The following PFKFB3 variants were observed in gnomAD, a reference collection of about 807,000 sequenced individuals.
PFKFB3 encodes 6-phosphofructo-2-kinase/fructose-2,6-biphosphatase 3.
In PFKFB3, 33 loss-of-function variants were observed where a neutral mutation model predicts 68.0. The ratio of observed to expected loss-of-function variants is 0.49; its 90% confidence interval spans 0.37 to 0.65. PFKFB3 has a LOEUF of 0.65. PFKFB3 is among the 30% of genes least tolerant of loss of function. The probability of loss-of-function intolerance (pLI) is 0.00; values close to 1 mark genes in which losing one functional copy is unlikely to be tolerated. For missense variants in PFKFB3, 586 were observed against 712.2 expected, an observed-to-expected ratio of 0.82 and a Z score of 2.02; for synonymous variants, 315 against 288.2, an observed-to-expected ratio of 1.09 and a Z score of -0.94.
At chr10:6,177,436 TTCTC>T (rs372374322) in intron 1 of PFKFB3, among the ~76,000 whole-genome samples, 25 of 56,448 alleles carry the variant, frequency 4.4e-4, no homozygotes, top group African/African-American at 1.2e-3. Context: ...TTTCTTTTCT[TTCTC>T]TTTCTTTCTT....
chr10:6,296,990 G>A, the PFKFB3 span, among the ~76,000 whole-genome samples: 2 of 152,162 alleles, frequency 1.3e-5, no homozygotes. Flanking sequence ...AGGAACCCAA[G>A]GTAAAGGGAT....
At chr10:6,250,644 T>C (rs2185691) in intron 14 of PFKFB3, among the ~76,000 whole-genome samples, 16,427 of 151,694 alleles carry the variant, frequency 0.11, 1,169 homozygotes, top group South Asian at 0.2. Flanking sequence ...GTGAATGGGA[T>C]TAGGTACCCT....
chr10:6,291,127 G>C, the PFKFB3 span, among the ~76,000 whole-genome samples: 1,088 of 152,188 alleles, frequency 7.1e-3, 9 homozygotes, highest in African/African-American at 0.025. Context: ...AGTTTGCAAG[G>C]AGGAATCAGG....
At chr10:6,219,719 G>T in intron 7 of PFKFB3, 26 bp downstream of exon 7, 1 of 1,610,406 alleles carries the variant, frequency 6.2e-7, no homozygotes, top group Non-Finnish European at 8.5e-7. Context: ...GGCCGTCTCT[G>T]CAAGACCCAC....
At chr10:6,230,089 A>G (rs1047233126) in intron 14 of PFKFB3, among the ~76,000 whole-genome samples, 8 of 152,204 alleles carry the variant, frequency 5.3e-5, no homozygotes, top group Non-Finnish European at 1.0e-4. Flanking sequence ...ATTCGGGGAT[A>G]GTCCCCCACC....
chr10:6,252,917 C>T (rs934145833), intron 14 of PFKFB3, among the ~76,000 whole-genome samples: 2 of 151,920 alleles, frequency 1.3e-5, no homozygotes, highest in African/African-American at 4.8e-5. Context: ...ATATTTAGAT[C>T]TTTTTTTGTT....
intron 1 of PFKFB3, chr10:6,163,839 C>T (rs891869499): frequency 1.3e-5 from 2 of 152,026 alleles, no homozygotes; most frequent in African/African-American, 4.8e-5. Flanking sequence ...CGGCGTGCGC[C>T]GCGCGGCCCC....
chr10:6,256,649 C>T (rs1400320025), downstream of PFKFB3, among the ~76,000 whole-genome samples: 2 of 152,254 alleles, frequency 1.3e-5, no homozygotes, highest in Non-Finnish European at 2.9e-5. Context: ...GGCGTGGCTC[C>T]TCCCAGGTGT....
intron 14 of PFKFB3, among the ~76,000 whole-genome samples, chr10:6,244,867 G>A (rs548120113): frequency 1.1e-3 from 168 of 152,246 alleles, no homozygotes; most frequent in Non-Finnish European, 1.9e-3. Flanking sequence ...TGTGCTGAAA[G>A]CTAGGAGTTC....
At chr10:6,171,825 A>G (rs1386486783) in intron 1 of PFKFB3, among the ~76,000 whole-genome samples, 2 of 152,268 alleles carry the variant, frequency 1.3e-5, no homozygotes, top group Non-Finnish European at 2.9e-5. Context: ...AAAAGTTTGG[A>G]TATCTCAGCT....
At chr10:6,171,375 C>T (rs180767256) in intron 1 of PFKFB3, among the ~76,000 whole-genome samples, 1 of 151,704 alleles carries the variant, frequency 6.6e-6, no homozygotes, top group African/African-American at 2.4e-5. Context: ...ATTTTTAACT[C>T]ATCTTTTAAA....
the PFKFB3 span, among the ~76,000 whole-genome samples, chr10:6,288,358 C>T: frequency 9.2e-6 from 1 of 108,148 alleles, no homozygotes; most frequent in African/African-American, 3.5e-5. Context: ...CCCCCCTCCC[C>T]CCACCCCACA....
chr10:6,293,867 A>C, the PFKFB3 span: 10 of 412,564 alleles, frequency 2.4e-5, no homozygotes, highest in Non-Finnish European at 4.9e-5. Context: ...AAGGTTGGAG[A>C]GTTATCCTTG....
intron 1 of PFKFB3, among the ~76,000 whole-genome samples, chr10:6,152,841 G>A (rs778510609): frequency 1.4e-4 from 22 of 151,924 alleles, no homozygotes; most frequent in Admixed American, 7.9e-4. Context: ...TGATCGTACC[G>A]CTGCACTCCA....
the PFKFB3 span, among the ~76,000 whole-genome samples, chr10:6,277,010 C>T: frequency 6.6e-6 from 1 of 152,130 alleles, no homozygotes; most frequent in Non-Finnish European, 1.5e-5. Flanking sequence ...TTTCTCCTCC[C>T]CACCTGCTGG....
the PFKFB3 span, among the ~76,000 whole-genome samples, chr10:6,326,050 A>AG: frequency 6.6e-6 from 1 of 152,218 alleles, no homozygotes; most frequent in Non-Finnish European, 1.5e-5. Context: ...CACTAGCTCT[A>AG]CCTTTTATCA....
At chr10:6,272,882 G>A in the PFKFB3 span, among the ~76,000 whole-genome samples, 5 of 151,976 alleles carry the variant, frequency 3.3e-5, no homozygotes, top group Admixed American at 2.6e-4. Context: ...TTGGACAATA[G>A]GCCTGAGGGC....
intron 1 of PFKFB3, among the ~76,000 whole-genome samples, chr10:6,152,646 G>A (rs1475996859): frequency 1.3e-5 from 2 of 152,214 alleles, no homozygotes; most frequent in African/African-American, 4.8e-5. Flanking sequence ...GGAGGCTGAG[G>A]TGGGAGGATT....
downstream of PFKFB3, among the ~76,000 whole-genome samples, chr10:6,236,015 C>T (rs138043617): frequency 0.13 from 19,295 of 152,166 alleles, 1,557 homozygotes; most frequent in Non-Finnish European, 0.18. Context: ...GATCTGCCTG[C>T]GTCGGCTTCC....
Sources: gnomAD v4.1 joint callset for allele counts (sites outside exome capture counted in the v4.1 genomes callset) on GRCh38, gnomAD v4.1.1 for gene constraint, MANE v1.5 for transcripts, NCBI Gene and HGNC (gene_info 2026-07-23, HGNC 2026-07-21) for gene names.